METTL21A: variants seen among roughly 807,000 people sequenced by gnomAD.
The protein encoded by METTL21A is protein N-lysine methyltransferase METTL21A.
METTL21A carries 22 observed loss-of-function variants against 20.9 expected under a neutral mutation model. The ratio of observed to expected loss-of-function variants is 1.05; its 90% CI spans 0.75 to 1.50. The LOEUF (loss-of-function observed/expected upper bound fraction) is 1.50. Among genes scored for constraint, METTL21A ranks in the 40% most tolerant of loss-of-function variants. The pLI is 0.00. For synonymous variants in METTL21A, 93 were observed against 102.0 expected, an observed-to-expected ratio of 0.91 and a Z score of 0.53; for missense variants, 271 against 266.8, an observed-to-expected ratio of 1.02 and a Z score of -0.11.
intron 3 of METTL21A, among the ~76,000 whole-genome samples, chr2:207,588,049 G>C (rs2084214284): frequency 6.6e-6 from 1 of 152,030 alleles, no homozygotes; most frequent in South Asian, 2.1e-4. Flanking sequence ...GAATATTACT[G>C]CATCTCATAA....
intron 3 of METTL21A, among the ~76,000 whole-genome samples, chr2:207,619,596 A>C (rs188403425): frequency 2.4e-4 from 37 of 152,332 alleles, no homozygotes; most frequent in Admixed American, 1.1e-3. Context: ...CGGATACACA[A>C]AACACACATA....
intron 3 of METTL21A, among the ~76,000 whole-genome samples, chr2:207,618,090 C>T (rs1352519966): frequency 1.3e-5 from 2 of 152,228 alleles, no homozygotes; most frequent in Non-Finnish European, 2.9e-5. Context: ...ACTCGAATTA[C>T]AGGAAAATCA....
intron 3 of METTL21A, among the ~76,000 whole-genome samples, chr2:207,621,230 T>C (rs900732247): frequency 1.3e-5 from 2 of 152,252 alleles, no homozygotes; most frequent in African/African-American, 2.4e-5. Flanking sequence ...CCTCAATTAA[T>C]GTGTGTATAC....
exon 4 of METTL21A, chr2:207,613,322 T>G: frequency 6.2e-7 from 1 of 1,614,126 alleles, no homozygotes; most frequent in Non-Finnish European, 8.5e-7. Flanking sequence ...TCCCCAAATT[T>G]TGTCCCCAAG....
rs751274446 is a variant in METTL21A at position 207,594,991 on chromosome 2, C to CTT, written c.260-12833_260-12832dup. Among the ~76,000 whole-genome samples the CTT allele has an allele frequency of 2.0e-3, 237 of 118,818 alleles. 2 individuals carry two copies. The highest frequency in any genetic ancestry group is 5.0e-3 in the African/African-American group (161 of 32,106). 77.9% of individuals were successfully genotyped at this position (118,818 alleles called of 152,430 possible). On this transcript the variant is annotated intron_variant, in intron 3 of 3. Transcript: ENST00000425132. ...CCTAGTGATTAGTGATGTTGAGCATCTTTTTTTTTTTTTTTTTTTTTCTGA... is the reference window on the plus strand; with the variant it reads ...CCTAGTGATTAGTGATGTTGAGCATCTTTTTTTTTTTTTTTTTTTTTTTCTGA...
At chr2:207,601,456 G>T (rs1042634088) in intron 3 of METTL21A, 5 of 191,246 alleles carry the variant, frequency 2.6e-5, no homozygotes, top group Admixed American at 6.1e-5. Context: ...AATTAGATAT[G>T]ACTAGCCCAG....
At chr2:207,592,232 CCTCT>C (rs1472819429) in intron 3 of METTL21A, among the ~76,000 whole-genome samples, 2 of 151,792 alleles carry the variant, frequency 1.3e-5, no homozygotes, top group African/African-American at 4.8e-5. Context: ...ATGGTGAAAC[CCTCT>C]CTCTACTAAA....
At chr2:207,582,106 C>T (rs1250600158) in exon 4 of METTL21A, 2 of 702,780 alleles carry the variant, frequency 2.8e-6, no homozygotes, top group East Asian at 5.4e-5. Context: ...GTTGAGCTAC[C>T]ATTTTTCTCT....
chr2:207,591,200 A>T (rs2084967405), intron 3 of METTL21A, among the ~76,000 whole-genome samples: 1 of 152,136 alleles, frequency 6.6e-6, no homozygotes, highest in Non-Finnish European at 1.5e-5. Context: ...TTAGTCTATC[A>T]TCACTGACAG....
intron 3 of METTL21A, chr2:207,615,722 A>G (rs928780803): frequency 3.3e-5 from 5 of 152,462 alleles, no homozygotes; most frequent in African/African-American, 1.2e-4. Flanking sequence ...AAAGAAAAGA[A>G]AAGAAAAGAA....
chr2:207,601,760 T>A (rs569997593), intron 3 of METTL21A: 43 of 217,322 alleles, frequency 2.0e-4, no homozygotes, highest in Non-Finnish European at 3.0e-4. Context: ...TGATTTCAGA[T>A]GAGGAAGGAG....
At chr2:207,616,063 T>A (rs1203588102) in intron 3 of METTL21A, among the ~76,000 whole-genome samples, 1 of 152,134 alleles carries the variant, frequency 6.6e-6, no homozygotes, top group Admixed American at 6.5e-5. Flanking sequence ...TATTCTTTTT[T>A]AAAATTTTAA....
intron 3 of METTL21A, among the ~76,000 whole-genome samples, chr2:207,618,228 A>G (rs1289285784): frequency 6.6e-6 from 1 of 152,110 alleles, no homozygotes; most frequent in Non-Finnish European, 1.5e-5. Flanking sequence ...GAATCCTCCT[A>G]TCTTCAAGAT....
downstream of METTL21A, among the ~76,000 whole-genome samples, chr2:207,608,901 G>T (rs972969674): frequency 6.6e-6 from 1 of 152,242 alleles, no homozygotes. Context: ...ACTCCAGCCT[G>T]GGTGACAGAG....
intron 3 of METTL21A, among the ~76,000 whole-genome samples, chr2:207,618,028 G>C (rs2090002891): frequency 6.6e-6 from 1 of 152,180 alleles, no homozygotes; most frequent in South Asian, 2.1e-4. Flanking sequence ...GCCAGGTATA[G>C]ATATCCAGCT....
At chr2:207,615,221 A>C in intron 3 of METTL21A, among the ~76,000 whole-genome samples, 1 of 152,074 alleles carries the variant, frequency 6.6e-6, no homozygotes, top group Non-Finnish European at 1.5e-5. Context: ...CCTGTAATCC[A>C]AGCACTTTGG....
chr2:207,600,262 T>TATATAC (rs1006383538), intron 3 of METTL21A: 2 of 153,608 alleles, frequency 1.3e-5, no homozygotes, highest in Non-Finnish European at 2.8e-5. Context: ...TATATATATA[T>TATATAC]ACATACAGTA....
In METTL21A at chr2:207,593,990, A is replaced by C. The variant is rs141062440; in HGVS notation, c.260-11830T>G. ...TGCCTCAGCCTCCCAAAGCGCTGGG[A>C]CCTGGGATTACAGGGGTGAGCCACC... On this transcript the variant is annotated intron_variant, in intron 3 of 3. Coordinates refer to the METTL21A transcript ENST00000425132. Among the ~76,000 whole-genome samples the C allele has an allele frequency of 2.0e-3, 299 of 152,258 alleles. 2 individuals carry two copies. Among genetic ancestry groups the C allele is most frequent in the African/African-American group, 6.6e-3 (276 of 41,552 alleles).
At chr2:207,592,748 G>A (rs1238072281) in intron 3 of METTL21A, among the ~76,000 whole-genome samples, 2 of 151,810 alleles carry the variant, frequency 1.3e-5, no homozygotes, top group East Asian at 3.9e-4. Flanking sequence ...GTGAAACCCC[G>A]TCTCTACTAA....
Sources: allele counts gnomAD v4.1 joint callset (sites outside exome capture counted in the v4.1 genomes callset), GRCh38; gene constraint gnomAD v4.1.1; transcripts MANE v1.5; gene names NCBI Gene and HGNC (gene_info 2026-07-23, HGNC 2026-07-21).